The following PACRG variants were observed in gnomAD, a reference collection of about 807,000 sequenced individuals.
PACRG encodes the protein parkin coregulated gene protein.
A neutral mutation model predicts 29.7 loss-of-function variants in PACRG; 29 were observed. The ratio of observed to expected loss-of-function variants is 0.98; its 90% confidence interval spans 0.73 to 1.33. PACRG has a LOEUF of 1.33. Among genes scored for constraint, PACRG ranks in the 40% most tolerant of loss-of-function variants. The probability of loss-of-function intolerance (pLI) is 0.00; values close to 1 mark genes in which losing one functional copy is unlikely to be tolerated. For missense variants in PACRG, 279 were observed against 316.2 expected (o/e 0.88, Z 0.89); for synonymous variants, 116 against 118.7 (o/e 0.98, Z 0.15).
chr6:162,788,256 C>T, intron 1 of PACRG, among the ~76,000 whole-genome samples: 1 of 152,150 alleles, frequency 6.6e-6, no homozygotes, highest in Non-Finnish European at 1.5e-5. Flanking sequence ...CAGTTGGAAT[C>T]ATACAGTTTG....
chr6:162,807,656 T>G (rs1039456760), intron 1 of PACRG, among the ~76,000 whole-genome samples: 1 of 152,138 alleles, frequency 6.6e-6, no homozygotes, highest in African/African-American at 2.4e-5. Flanking sequence ...CATTGAAGAT[T>G]ACTGATCACA....
At chr6:163,003,782 G>A (rs1028159731) in intron 2 of PACRG, among the ~76,000 whole-genome samples, 10 of 152,128 alleles carry the variant, frequency 6.6e-5, no homozygotes, top group African/African-American at 2.4e-4. Flanking sequence ...CAGGTTAGGG[G>A]ATTTAAATAC....
Position 162,728,262 on chromosome 6 carries a change from C to T in PACRG, c.27C>T (p.Ser9=). The T allele has an allele frequency of 6.2e-7, 1 of 1,613,946 alleles. No individual in the cohort carries two copies. Among genetic ancestry groups the T allele is most frequent in the South Asian group, 1.1e-5 (1 of 91,084 alleles). Residue 9 remains serine (S), a synonymous_variant, in exon 1 of 5, where the codon AGC becomes AGT. Coordinates refer to ENST00000366888, the MANE Select transcript of PACRG (RefSeq NM_001080379.2). ...TGGTGGCAGAAAAAGAGACCCTGAG[C>T]TTAAACAAATGCCCAGACAAGATGC... The part of the protein sequence containing the change: MVAEKETL[S]LNKCPDKMPK...
chr6:163,095,264 A>G (rs1814466166), intron 4 of PACRG: 2 of 985,322 alleles, frequency 2.0e-6, no homozygotes, highest in Non-Finnish European at 2.4e-6. Context: ...AAATCCACTT[A>G]TAAAAAGCAT....
intron 4 of PACRG, among the ~76,000 whole-genome samples, chr6:163,126,887 G>T (rs1450510253): frequency 1.3e-5 from 2 of 152,218 alleles, no homozygotes; most frequent in Admixed American, 1.3e-4. Context: ...AGTCTATCCA[G>T]GCACCCAGGT....
chr6:163,127,185 C>T (rs1025196292), intron 4 of PACRG, among the ~76,000 whole-genome samples: 1 of 152,152 alleles, frequency 6.6e-6, no homozygotes, highest in Non-Finnish European at 1.5e-5. Context: ...CAGAGCTCTG[C>T]CCAGCTCTGA....
At chr6:163,052,725 A>C (rs1810148354) in intron 2 of PACRG, among the ~76,000 whole-genome samples, 1 of 152,218 alleles carries the variant, frequency 6.6e-6, no homozygotes, top group Admixed American at 6.5e-5. Context: ...TAGTAATGTG[A>C]AAACGGACTA....
At chr6:163,138,059 G>A (rs1028054048) in intron 4 of PACRG, among the ~76,000 whole-genome samples, 2 of 152,230 alleles carry the variant, frequency 1.3e-5, no homozygotes, top group Non-Finnish European at 2.9e-5. Flanking sequence ...GAAGGAGTGG[G>A]GGAGCCTGTC....
At chr6:162,817,158 G>A (rs1584445570) in intron 2 of PACRG, among the ~76,000 whole-genome samples, 1 of 152,190 alleles carries the variant, frequency 6.6e-6, no homozygotes. Context: ...GGCACAGGCT[G>A]CCCCAGCCTC....
At chr6:162,752,934 TTATG>T (rs1167384590) in intron 1 of PACRG, among the ~76,000 whole-genome samples, 1 of 152,160 alleles carries the variant, frequency 6.6e-6, no homozygotes, top group East Asian at 1.9e-4. Flanking sequence ...TTTTATGTAT[TTATG>T]TATTTATTTA....
intron 2 of PACRG, among the ~76,000 whole-genome samples, chr6:162,972,429 C>T (rs773311008): frequency 1.3e-5 from 2 of 151,924 alleles, no homozygotes; most frequent in South Asian, 2.1e-4. Flanking sequence ...TTTTTTTTAT[C>T]GTGGTCAAAA....
chr6:163,035,812 C>CAAAAAAAAA (rs1156795173), intron 2 of PACRG, among the ~76,000 whole-genome samples: 2 of 64,248 alleles, frequency 3.1e-5, no homozygotes, highest in Non-Finnish European at 3.0e-5. Flanking sequence ...GACTCTGTCT[C>CAAAAAAAAA]AAAAAAAAAA....
intron 4 of PACRG, among the ~76,000 whole-genome samples, chr6:163,263,831 A>T (rs1783428191): frequency 6.6e-6 from 1 of 152,242 alleles, no homozygotes; most frequent in Non-Finnish European, 1.5e-5. Flanking sequence ...CACTGCTAAC[A>T]CGGATAAATA....
chr6:163,144,248 AAG>A (rs56287503), intron 4 of PACRG, among the ~76,000 whole-genome samples: 2,998 of 150,544 alleles, frequency 0.02, 150 homozygotes, highest in African/African-American at 0.068. Context: ...AAAAAAAAAA[AAG>A]GGAAAAGTAG....
chr6:163,173,658 G>A (rs571627096), intron 4 of PACRG, among the ~76,000 whole-genome samples: 208 of 152,330 alleles, frequency 1.4e-3, no homozygotes, highest in African/African-American at 4.6e-3. Flanking sequence ...CCTCCAGAAC[G>A]TGGGTGTGGC....
At chr6:162,890,087 G>A (rs1053210986) in intron 2 of PACRG, among the ~76,000 whole-genome samples, 10 of 152,226 alleles carry the variant, frequency 6.6e-5, no homozygotes, top group African/African-American at 2.4e-4. Flanking sequence ...GTTAAACTGG[G>A]AGATTAAAAT....
chr6:163,243,167 A>C (rs1334750793), intron 4 of PACRG, among the ~76,000 whole-genome samples: 1 of 152,190 alleles, frequency 6.6e-6, no homozygotes, highest in African/African-American at 2.4e-5. Context: ...GGCTGGTGCC[A>C]CTGATTCCAC....
chr6:163,159,866 T>C lies in PACRG; in HGVS notation c.613+70458T>C, dbSNP rs115741876. On this transcript the variant is annotated intron_variant, in intron 4 of 4. Transcript: ENST00000366888. Reference sequence around the variant, plus strand: ...GTAGACACCTTCCCCTCCCCTTCGGTGGCCCCGATCCTCATTCCGCCTCCA... The same window carrying C: ...GTAGACACCTTCCCCTCCCCTTCGGCGGCCCCGATCCTCATTCCGCCTCCA... 8.1e-3 allele frequency among the ~76,000 whole-genome samples: 1,232 copies of C among 152,212 alleles called. 14 individuals carry two copies. Among genetic ancestry groups the C allele is most frequent in the South Asian group, 0.027 (131 of 4,818 alleles).
chr6:163,199,613 C>T (rs1585325942), intron 4 of PACRG, among the ~76,000 whole-genome samples: 1 of 152,192 alleles, frequency 6.6e-6, no homozygotes. Context: ...AACTGCCAAG[C>T]TTGGCCGCCT....
Sources: allele counts gnomAD v4.1 joint callset (sites outside exome capture counted in the v4.1 genomes callset), GRCh38; gene constraint gnomAD v4.1.1; transcripts MANE v1.5; gene names NCBI Gene and HGNC (gene_info 2026-07-23, HGNC 2026-07-21).